Variants in FHIT observed in about 807,000 individuals in gnomAD.
FHIT encodes the protein fragile histidine triad diadenosine triphosphatase.
In FHIT, 19 loss-of-function variants were observed where a neutral mutation model predicts 17.9. That is an observed-to-expected ratio of 1.06 (90% CI 0.74 to 1.56). The LOEUF (loss-of-function observed/expected upper bound fraction) is 1.56, where lower values mean the gene tolerates loss of function less well. FHIT is among the 40% of genes most tolerant of loss of function. FHIT has a pLI of 0.00. For synonymous variants in FHIT, 81 were observed against 69.7 expected, an observed-to-expected ratio of 1.16 and a Z score of -0.81; for missense variants, 248 against 189.2, an observed-to-expected ratio of 1.31 and a Z score of -1.82.
intron 5 of FHIT, among the ~76,000 whole-genome samples, chr3:60,444,925 C>A (rs1217586330): frequency 1.3e-5 from 2 of 152,054 alleles, no homozygotes; most frequent in Non-Finnish European, 2.9e-5. Flanking sequence ...CCATCTAATT[C>A]CTTAGGCACA....
intron 5 of FHIT, among the ~76,000 whole-genome samples, chr3:60,126,623 CCAACAGAATTTGATT>C (rs1705563639): frequency 6.6e-6 from 1 of 152,132 alleles, no homozygotes; most frequent in Admixed American, 6.5e-5. Flanking sequence ...TGAGTATCAA[CCAACAGAATTTGATT>C]CACAACAGAA....
At chr3:60,636,598 T>C (rs2039591840) in intron 4 of FHIT, among the ~76,000 whole-genome samples, 2 of 152,312 alleles carry the variant, frequency 1.3e-5, no homozygotes, top group South Asian at 4.1e-4. Flanking sequence ...TTTTGTGTTA[T>C]TCTTTTTCCA....
At chr3:60,750,213 C>A (rs782685034) in intron 4 of FHIT, among the ~76,000 whole-genome samples, 1 of 152,032 alleles carries the variant, frequency 6.6e-6, no homozygotes, top group African/African-American at 2.4e-5. Context: ...CGAGAAGAGG[C>A]CACTGAATTC....
At chr3:60,351,047 C>T (rs1319629721) in intron 5 of FHIT, among the ~76,000 whole-genome samples, 1 of 151,908 alleles carries the variant, frequency 6.6e-6, no homozygotes, top group Non-Finnish European at 1.5e-5. Flanking sequence ...ACAGCCCCAG[C>T]CAAAAGCTAT....
intron 4 of FHIT, among the ~76,000 whole-genome samples, chr3:60,655,029 G>A (rs782062544): frequency 6.6e-6 from 1 of 152,144 alleles, no homozygotes; most frequent in African/African-American, 2.4e-5. Context: ...GAAGTGGCAA[G>A]CCCAATAGAA....
intron 2 of FHIT, among the ~76,000 whole-genome samples, chr3:61,112,550 C>A (rs150801720): frequency 1.3e-5 from 2 of 152,226 alleles, no homozygotes; most frequent in African/African-American, 4.8e-5. Context: ...CTTTTCAGGG[C>A]AAACATGTCC....
At chr3:60,425,613 T>G (rs1397935256) in intron 5 of FHIT, among the ~76,000 whole-genome samples, 2 of 152,054 alleles carry the variant, frequency 1.3e-5, no homozygotes, top group African/African-American at 2.4e-5. Context: ...TTATAGAAAA[T>G]AGTTCTCAGA....
chr3:61,235,843 C>T (rs2040217668), intron 1 of FHIT, among the ~76,000 whole-genome samples: 1 of 152,144 alleles, frequency 6.6e-6, no homozygotes, highest in Admixed American at 6.5e-5. Flanking sequence ...TTGACTTCAG[C>T]ATGTGTATTA....
At chr3:60,082,337 T>G (rs999873983) in intron 5 of FHIT, among the ~76,000 whole-genome samples, 1 of 152,110 alleles carries the variant, frequency 6.6e-6, no homozygotes, top group Non-Finnish European at 1.5e-5. Flanking sequence ...AGTATTCCAC[T>G]GTGTATGTGT....
intron 3 of FHIT, among the ~76,000 whole-genome samples, chr3:61,033,891 T>C (rs2033121236): frequency 6.6e-6 from 1 of 152,180 alleles, no homozygotes; most frequent in Non-Finnish European, 1.5e-5. Context: ...ATAGTGGATA[T>C]TTGCTGCCTA....
intron 4 of FHIT, among the ~76,000 whole-genome samples, chr3:60,686,597 T>C (rs187102375): frequency 6.6e-6 from 1 of 152,254 alleles, no homozygotes; most frequent in African/African-American, 2.4e-5. Context: ...TATATTGATA[T>C]TATCAAATTC....
chr3:61,184,526 T>G (rs986589862), intron 2 of FHIT, among the ~76,000 whole-genome samples: 20 of 152,032 alleles, frequency 1.3e-4, no homozygotes, highest in African/African-American at 4.8e-4. Context: ...CAGAACAGCT[T>G]CTGCGGATGT....
chr3:60,747,339 A>T (rs2042379300), intron 4 of FHIT, among the ~76,000 whole-genome samples: 1 of 152,078 alleles, frequency 6.6e-6, no homozygotes, highest in African/African-American at 2.4e-5. Flanking sequence ...GCTCTCACTG[A>T]GCTTATCTCA....
At chr3:59,958,613 G>A (rs1707517561) in intron 7 of FHIT, among the ~76,000 whole-genome samples, 1 of 152,198 alleles carries the variant, frequency 6.6e-6, no homozygotes, top group Non-Finnish European at 1.5e-5. Context: ...CAGCTACCTA[G>A]AGGGTTGTAT....
intron 8 of FHIT, among the ~76,000 whole-genome samples, chr3:59,882,478 G>A (rs545126738): frequency 3.5e-4 from 4 of 11,328 alleles, no homozygotes; most frequent in South Asian, 6.9e-3. Context: ...AGAAATCCCT[G>A]AGGTGGTAAC....
In FHIT at chr3:60,175,877, T is replaced by G. The variant is rs575436603; in HGVS notation, c.104-161725A>C. On this transcript the variant is annotated intron_variant, in intron 5 of 9. Coordinates refer to ENST00000492590, the MANE Select transcript of FHIT (RefSeq NM_002012.4). ...TAGTACAACCCATAGAAACCATGAC[T>G]CAGTCTGAAGTAGCACACTCTAATA... Among the ~76,000 whole-genome samples, 3 of 152,236 alleles carry G rather than the reference T, an allele frequency of 2.0e-5. No individual in the cohort carries two copies. The South Asian group carries it at 6.2e-4, about 32-fold the overall frequency.
At chr3:60,973,545 G>A (rs1055862082) in intron 3 of FHIT, among the ~76,000 whole-genome samples, 2 of 152,088 alleles carry the variant, frequency 1.3e-5, no homozygotes, top group Non-Finnish European at 2.9e-5. Context: ...TGGTAGCCCT[G>A]AACTCCACTG....
At chr3:60,105,278 G>C (rs1559636269) in intron 5 of FHIT, among the ~76,000 whole-genome samples, 1 of 152,116 alleles carries the variant, frequency 6.6e-6, no homozygotes, top group Non-Finnish European at 1.5e-5. Context: ...TTATTTCAGA[G>C]ACAGTAAGAT....
At chr3:60,561,921 A>C (rs2036964042) in intron 4 of FHIT, among the ~76,000 whole-genome samples, 1 of 151,326 alleles carries the variant, frequency 6.6e-6, no homozygotes, top group African/African-American at 2.4e-5. Context: ...AGAGAGAAAG[A>C]GAGAAAGAAA....
Sources: gnomAD v4.1 joint callset for allele counts (sites outside exome capture counted in the v4.1 genomes callset) on GRCh38, gnomAD v4.1.1 for gene constraint, MANE v1.5 for transcripts, NCBI Gene and HGNC (gene_info 2026-07-23, HGNC 2026-07-21) for gene names.